CNNM4: variants seen among roughly 807,000 people sequenced by gnomAD.
The protein encoded by CNNM4 is metal transporter CNNM4.
CNNM4 carries 32 observed loss-of-function variants against 53.7 expected under a neutral mutation model. The observed-to-expected ratio is 0.60, with a 90% CI of 0.45 to 0.80. CNNM4 has a LOEUF of 0.80. Ranked by LOEUF, CNNM4 falls within the 30% of genes least tolerant of loss-of-function variation. The pLI is 0.00. For missense variants in CNNM4, 784 were observed against 1,022.0 expected (o/e 0.77, Z 3.17); for synonymous variants, 410 against 440.0 (o/e 0.93, Z 0.85).
At chr2:96,780,857 C>T (rs945105582) in intron 1 of CNNM4, among the ~76,000 whole-genome samples, 17 of 151,608 alleles carry the variant, frequency 1.1e-4, no homozygotes, top group African/African-American at 4.1e-4. Flanking sequence ...TCTGCCTCAG[C>T]CTCCCCAAGT....
At chr2:96,777,554 G>A (rs1574062337) in intron 1 of CNNM4, among the ~76,000 whole-genome samples, 3 of 152,230 alleles carry the variant, frequency 2.0e-5, no homozygotes. Flanking sequence ...AGTCTGGAGT[G>A]TAGTGGCACG....
In CNNM4 at chr2:96,809,850, A is replaced by C; in HGVS notation, c.*333A>C. On this transcript the variant is annotated 3_prime_UTR_variant, in exon 7 of 7. Coordinates refer to ENST00000377075, the MANE Select transcript of CNNM4 (RefSeq NM_020184.4). ...GACAGGGTTAAGGAACTTTATTTAA[A>C]AAAAAAATATTTTTTTCCTAAAAAC... 1 of 206,832 alleles carries C rather than the reference A, an allele frequency of 4.8e-6. No homozygotes were observed. Among genetic ancestry groups the C allele is most frequent in the Non-Finnish European group, 9.7e-6 (1 of 102,616 alleles). 12.8% of individuals were successfully genotyped at this position (206,832 alleles called of 1,614,324 possible).
In CNNM4 at chr2:96,761,478, G is replaced by T; in HGVS notation, c.479G>T (p.Trp160Leu). 1.2e-6 allele frequency: 2 copies of T among 1,614,042 alleles called. No homozygotes were observed. The highest frequency in any genetic ancestry group is 4.5e-5 in the East Asian group (2 of 44,866). Residue 160 changes from tryptophan (W) to leucine (L), a missense_variant, in exon 1 of 7, where the codon TGG becomes TTG. Around this residue, in one of 3 missense-constraint regions of CNNM4, gnomAD observed 473 missense variants for 624.6 expected, o/e 0.76. Coordinates refer to ENST00000377075, the MANE Select transcript of CNNM4 (RefSeq NM_020184.4). This position sits in a 1 kb window ranked among gnomAD's most constrained non-coding sequence, Gnocchi z 6.0. ...LCTRAQPDGP[W>L]LKWTDKDSLL... ...ACCCGGGCCCAGCCCGACGGGCCCTGGCTGAAGTGGACGGACAAGGACTCA... is the reference window on the plus strand; with the variant it reads ...ACCCGGGCCCAGCCCGACGGGCCCTTGCTGAAGTGGACGGACAAGGACTCA...
chr2:96,803,550 A>AC (rs1198416889), intron 5 of CNNM4, among the ~76,000 whole-genome samples: 1 of 151,884 alleles, frequency 6.6e-6, no homozygotes, highest in Non-Finnish European at 1.5e-5. Flanking sequence ...ACATGGTGAA[A>AC]CCCCATCTCT....
At position 96,762,295 on chromosome 2, in the gene CNNM4, C is replaced by T. The variant is rs745967523; in HGVS notation, c.1296C>T (p.Pro432=). 22 of 1,614,134 alleles carry T rather than the reference C, an allele frequency of 1.4e-5. No homozygotes were observed. In the South Asian group the frequency reaches 2.2e-4, roughly 16 times the overall value. ...TCAAAGACTTGGCCTTTGTGGACCCCGATGACTGCACCCCCCTCAAGACTA... is the reference window on the plus strand; with the variant it reads ...TCAAAGACTTGGCCTTTGTGGACCCTGATGACTGCACCCCCCTCAAGACTA... The part of the protein sequence containing the change: ...LYVKDLAFVD[P]DDCTPLKTIT... The change falls in exon 1 of 7, where the codon CCC becomes CCT. Residue 432 remains proline, a synonymous_variant. Coordinates refer to ENST00000377075, the MANE Select transcript of CNNM4 (RefSeq NM_020184.4).
chr2:96,774,941 A>G (rs2078910631), intron 1 of CNNM4, among the ~76,000 whole-genome samples: 1 of 127,166 alleles, frequency 7.9e-6, no homozygotes. Context: ...AGCCTGGGAG[A>G]CAGAGTGAGA....
chr2:96,788,649 T>C (rs1312003582), intron 1 of CNNM4: 2 of 152,504 alleles, frequency 1.3e-5, no homozygotes, highest in Non-Finnish European at 2.9e-5. Flanking sequence ...GAAATCAGGG[T>C]GCTCAGCTAT....
intron 1 of CNNM4, among the ~76,000 whole-genome samples, chr2:96,771,882 G>A (rs750177514): frequency 1.3e-5 from 2 of 152,326 alleles, no homozygotes; most frequent in East Asian, 1.9e-4. Flanking sequence ...AGTGCTGTGC[G>A]CCTCTGCGGG....
In CNNM4 at chr2:96,761,746, G is replaced by A. The variant is rs777425652; in HGVS notation, c.747G>A (p.Gly249=). ...ACCTTCTCTGCTCGTTGCTCCTAGG[G>A]AACGTGCTGGTCAACACCTCCCTCA... The part of the protein sequence containing the change: ...GNYLLCSLLL[G]NVLVNTSLTI... The change falls in exon 1 of 7, where the codon GGG becomes GGA. Residue 249 remains glycine (G), a synonymous_variant. Coordinates refer to ENST00000377075, the MANE Select transcript of CNNM4 (RefSeq NM_020184.4). This position sits in a 1 kb window ranked among gnomAD's most constrained non-coding sequence, Gnocchi z 6.0. 5 of 1,610,550 alleles carry A rather than the reference G, an allele frequency of 3.1e-6. No individual in the cohort carries two copies. The South Asian group carries it at 3.3e-5, about 11-fold the overall frequency.
At position 96,762,478 on chromosome 2, in the gene CNNM4, G is replaced by T. The variant is rs955648372; in HGVS notation, c.1402+77G>T. 2.2e-6 allele frequency: 3 copies of T among 1,350,748 alleles called. No homozygotes were observed. In the African/African-American group the frequency reaches 4.3e-5, roughly 19 times the overall value. 83.7% of individuals were successfully genotyped at this position (1,350,748 alleles called of 1,614,324 possible). ...CCCCTGGCGTGTTTTGTGTCTGCTG[G>T]CTTTAGTGTTCTGTTTGTGTGACTC... is the stretch of plus-strand genomic sequence containing the variant. On this transcript the variant is annotated intron_variant, in intron 1 of 6. Transcript: ENST00000377075.
At chr2:96,782,397 G>A (rs1478925680) in intron 1 of CNNM4, among the ~76,000 whole-genome samples, 4 of 148,494 alleles carry the variant, frequency 2.7e-5, no homozygotes, top group African/African-American at 7.6e-5. Flanking sequence ...GGGCGACAGA[G>A]TGAGACATTG....
At chr2:96,805,440 A>AAATTTTTT (rs2079194974) in intron 5 of CNNM4, among the ~76,000 whole-genome samples, 9 of 87,482 alleles carry the variant, frequency 1.0e-4, no homozygotes, top group East Asian at 7.2e-4. Context: ...TTTTTTTTTT[A>AAATTTTTT]TTATTTTTTT....
intron 5 of CNNM4, among the ~76,000 whole-genome samples, chr2:96,803,522 C>T (rs2079176336): frequency 1.3e-5 from 2 of 151,978 alleles, no homozygotes; most frequent in South Asian, 4.2e-4. Flanking sequence ...GTCGGGAGTT[C>T]GAGACCAGCC....
At chr2:96,791,875 G>A (rs750753315) in intron 1 of CNNM4, among the ~76,000 whole-genome samples, 20 of 151,844 alleles carry the variant, frequency 1.3e-4, no homozygotes, top group Non-Finnish European at 2.8e-4. Flanking sequence ...ATAATCAATA[G>A]TATTAATTTC....
intron 1 of CNNM4, chr2:96,788,929 T>C (rs1374355335): frequency 2.0e-5 from 3 of 152,216 alleles, no homozygotes; most frequent in Non-Finnish European, 4.4e-5. Context: ...CTGTGGACTT[T>C]GTAACCCAGC....
At position 96,806,529 on chromosome 2, in the gene CNNM4, A is replaced by ACG. The variant is rs1171614187; in HGVS notation, c.1949-2031_1949-2030insGC. 1.4e-3 allele frequency among the ~76,000 whole-genome samples: 204 copies of ACG among 142,376 alleles called. 1 individual carries two copies. The highest frequency in any genetic ancestry group is 3.7e-3 in the Admixed American group (53 of 14,226). The allele number at this position is 142,376 out of a possible 152,430, so 93.4% of individuals were successfully genotyped here. ...CCAACACACACACACACACACACACACACACACGCGCGCGCGCGCGCGCGC... is the reference window on the plus strand; with the variant it reads ...CCAACACACACACACACACACACACACGCACACACGCGCGCGCGCGCGCGCGC... On this transcript the variant is annotated intron_variant, in intron 5 of 6. Coordinates refer to ENST00000377075, the MANE Select transcript of CNNM4 (RefSeq NM_020184.4).
At chr2:96,782,504 TATC>T (rs1352068661) in intron 1 of CNNM4, among the ~76,000 whole-genome samples, 4 of 152,038 alleles carry the variant, frequency 2.6e-5, no homozygotes, top group African/African-American at 9.7e-5. Context: ...AAAGATACCA[TATC>T]ATTTTTTTTT....
rs748733026 is a variant in CNNM4 at position 96,799,654 on chromosome 2, T to A, written c.1948+6T>A. ...CCTGACCTCGGTCCCCTCCGGTGAG[T>A]TGTTGGGCATGGTCTTTGCTGCCCT... On this transcript the variant is annotated splice_donor_region_variant and intron_variant, in intron 5 of 6. Coordinates refer to ENST00000377075, the MANE Select transcript of CNNM4 (RefSeq NM_020184.4). 1 of 1,548,906 alleles carries A rather than the reference T, an allele frequency of 6.5e-7. No individual in the cohort carries two copies. Among genetic ancestry groups the A allele is most frequent in the Admixed American group, 2.0e-5 (1 of 51,018 alleles).
chr2:96,792,563 G>A (rs983567435), intron 1 of CNNM4, among the ~76,000 whole-genome samples: 5 of 152,048 alleles, frequency 3.3e-5, no homozygotes, highest in African/African-American at 4.8e-5. Flanking sequence ...AGCACTCTGG[G>A]AGGCCGAGGA....
Sources: gnomAD v4.1 joint callset for allele counts (sites outside exome capture counted in the v4.1 genomes callset) on GRCh38, gnomAD v4.1.1 for gene constraint, gnomAD v4.1.1 regional missense constraint, Gnocchi (gnomAD v3.1) non-coding constraint, MANE v1.5 for transcripts, NCBI Gene and HGNC (gene_info 2026-07-23, HGNC 2026-07-21) for gene names.